DLGAP2: variants seen among roughly 807,000 people sequenced by gnomAD.
The protein encoded by DLGAP2 is DLG associated protein 2.
Under a neutral mutation model 100.3 loss-of-function variants are expected in DLGAP2, and 26 were observed. The ratio of observed to expected loss-of-function variants is 0.26; its 90% CI spans 0.19 to 0.36. The LOEUF is 0.36. Ranked by LOEUF, DLGAP2 falls within the 10% of genes least tolerant of loss-of-function variation. The pLI is 1.00. For missense variants in DLGAP2, 1,858 were observed against 1,453.2 expected, an observed-to-expected ratio of 1.28 and a Z score of -4.53; for synonymous variants, 886 against 630.1, an observed-to-expected ratio of 1.41 and a Z score of -6.08.
At chr8:1,689,141 T>G (rs1563064429) in intron 12 of DLGAP2, among the ~76,000 whole-genome samples, 1 of 152,168 alleles carries the variant, frequency 6.6e-6, no homozygotes, top group Non-Finnish European at 1.5e-5. Context: ...TGGGTTCACT[T>G]CCCTGGACCT....
rs771281456 is a variant in DLGAP2, at chr8:1,704,950, G to A, written c.*3544G>A. 2 of 152,122 alleles carry A rather than the reference G, an allele frequency of 1.3e-5. No individual in the cohort carries two copies. Among genetic ancestry groups the A allele is most frequent in the Non-Finnish European group, 2.9e-5 (2 of 68,036 alleles). The allele number at this position is 152,122 out of a possible 1,614,324, so 9.4% of individuals were successfully genotyped here. ...TCCTTGTCTTGATTTTTGCCTTTTCGATGCCATATTAAGCAGCCACCGTTT... is the reference window on the plus strand; with the variant it reads ...TCCTTGTCTTGATTTTTGCCTTTTCAATGCCATATTAAGCAGCCACCGTTT... On this transcript the variant is annotated 3_prime_UTR_variant, in exon 15 of 15. Coordinates refer to ENST00000637795, the MANE Select transcript of DLGAP2 (RefSeq NM_001346810.2).
intron 3 of DLGAP2, among the ~76,000 whole-genome samples, chr8:1,334,591 C>G (rs576861512): frequency 6.6e-6 from 1 of 152,210 alleles, no homozygotes; most frequent in East Asian, 1.9e-4. Flanking sequence ...CACCTGCCCT[C>G]GACCCCCCCA....
At chr8:1,286,530 C>G (rs936664212) in intron 3 of DLGAP2, among the ~76,000 whole-genome samples, 1 of 152,068 alleles carries the variant, frequency 6.6e-6, no homozygotes, top group Non-Finnish European at 1.5e-5. Context: ...AATGGAGGAC[C>G]GAGGCCTGTG....
rs575103737 is a variant in DLGAP2 at position 1,695,829 on chromosome 8, G to C, written c.2797-1318G>C. 2.0e-5 allele frequency among the ~76,000 whole-genome samples: 3 copies of C among 152,238 alleles called. No homozygotes were observed. The South Asian group carries it at 6.2e-4, about 31-fold the overall frequency. ...CCCTCGACTGACTTCGGTGCAGAAC[G>C]TGGCCTCCTTGCCAGGCACTTTAGT... On this transcript the variant is annotated intron_variant, in intron 13 of 14. Transcript: ENST00000637795.
At chr8:1,107,305 C>T (rs1001622488) in intron 2 of DLGAP2, among the ~76,000 whole-genome samples, 1 of 152,170 alleles carries the variant, frequency 6.6e-6, no homozygotes, top group African/African-American at 2.4e-5. Flanking sequence ...ATACTCATCA[C>T]CACTCCAGGG....
At chr8:1,510,958 C>T (rs1037828401) in intron 4 of DLGAP2, among the ~76,000 whole-genome samples, 2 of 152,216 alleles carry the variant, frequency 1.3e-5, no homozygotes, top group Admixed American at 1.3e-4. Context: ...GGCACATCTC[C>T]CTTTGCTAAT....
chr8:1,181,335 C>T (rs1191112196), intron 2 of DLGAP2, among the ~76,000 whole-genome samples: 5 of 152,186 alleles, frequency 3.3e-5, no homozygotes, highest in African/African-American at 1.2e-4. Context: ...AGCTTGAGTG[C>T]ACTGTTTGAT....
At chr8:1,553,768 C>T (rs1222477770) in intron 5 of DLGAP2, among the ~76,000 whole-genome samples, 2 of 152,198 alleles carry the variant, frequency 1.3e-5, no homozygotes, top group African/African-American at 4.8e-5. Flanking sequence ...TTCCTTGCAG[C>T]CATTCTCTGA....
intron 2 of DLGAP2, among the ~76,000 whole-genome samples, chr8:941,355 T>C (rs1351728688): frequency 1.3e-5 from 2 of 152,134 alleles, no homozygotes; most frequent in African/African-American, 2.4e-5. Flanking sequence ...ACCAGGGTCA[T>C]GTCCCAAGCC....
At chr8:1,167,814 T>C (rs766227875) in intron 2 of DLGAP2, among the ~76,000 whole-genome samples, 13 of 150,356 alleles carry the variant, frequency 8.6e-5, no homozygotes, top group Non-Finnish European at 1.8e-4. Flanking sequence ...AAGTACCTGG[T>C]TGAGGTCCTA....
At chr8:1,655,966 T>G (rs1389760670) in intron 8 of DLGAP2, among the ~76,000 whole-genome samples, 1 of 152,228 alleles carries the variant, frequency 6.6e-6, no homozygotes, top group Non-Finnish European at 1.5e-5. Flanking sequence ...CCATGACCAG[T>G]GGACACACAG....
chr8:1,090,716 G>A (rs958542839), intron 2 of DLGAP2, among the ~76,000 whole-genome samples: 6 of 152,158 alleles, frequency 3.9e-5, no homozygotes, highest in Admixed American at 6.5e-5. Context: ...AGGGCACCCT[G>A]GGGTTTGTTT....
rs200731422 is a variant in DLGAP2 at position 1,278,166 on chromosome 8, TC to T, written c.106+19285del. Among the ~76,000 whole-genome samples the T allele has an allele frequency of 7.1e-3, 1,088 of 152,326 alleles. 4 individuals are homozygous for T. The highest frequency in any genetic ancestry group is 0.012 in the Non-Finnish European group (819 of 68,034). On this transcript the variant is annotated intron_variant, in intron 3 of 14. Transcript: ENST00000637795. Reference sequence around the variant, plus strand: ...CTCACGGAAGTCAGCAGAGCTGTGTTCCAGCTCTTTCTCCTCCACCAAAGAG... The same window carrying T: ...CTCACGGAAGTCAGCAGAGCTGTGTTCAGCTCTTTCTCCTCCACCAAAGAG...
intron 2 of DLGAP2, among the ~76,000 whole-genome samples, chr8:928,598 G>A (rs1423001367): frequency 6.6e-6 from 1 of 152,024 alleles, no homozygotes; most frequent in Non-Finnish European, 1.5e-5. Flanking sequence ...ACAGCATAAG[G>A]TTTTTGATTT....
chr8:1,415,959 A>C (rs563494698), intron 3 of DLGAP2, among the ~76,000 whole-genome samples: 1 of 152,340 alleles, frequency 6.6e-6, no homozygotes, highest in African/African-American at 2.4e-5. Context: ...TCATGACTAA[A>C]AGAATATTTT....
intron 4 of DLGAP2, among the ~76,000 whole-genome samples, chr8:1,522,665 G>A (rs984378351): frequency 6.6e-6 from 1 of 152,232 alleles, no homozygotes; most frequent in Non-Finnish European, 1.5e-5. Flanking sequence ...TGGGAGCTGA[G>A]TGGAGGAGCT....
intron 2 of DLGAP2, among the ~76,000 whole-genome samples, chr8:1,057,637 C>T (rs1363792880): frequency 1.3e-5 from 2 of 152,204 alleles, no homozygotes; most frequent in African/African-American, 4.8e-5. Context: ...AGAATGTAAG[C>T]AGGGACCAGG....
intron 1 of DLGAP2, among the ~76,000 whole-genome samples, chr8:745,688 A>G (rs925581600): frequency 6.6e-6 from 1 of 152,236 alleles, no homozygotes; most frequent in African/African-American, 2.4e-5. Flanking sequence ...CAGTAACAGG[A>G]TTGGGTAAAT....
chr8:938,369 AAATTTTTTTG>A (rs1229403679), intron 2 of DLGAP2, among the ~76,000 whole-genome samples: 1 of 152,022 alleles, frequency 6.6e-6, no homozygotes, highest in Non-Finnish European at 1.5e-5. Context: ...GCTGATTTTT[AAATTTTTTTG>A]TAGAGACAAG....
Sources: allele counts gnomAD v4.1 joint callset (sites outside exome capture counted in the v4.1 genomes callset), GRCh38; gene constraint gnomAD v4.1.1; transcripts MANE v1.5; gene names NCBI Gene and HGNC (gene_info 2026-07-23, HGNC 2026-07-21).